HS3ST5: variants seen among roughly 807,000 people sequenced by gnomAD.
The protein encoded by HS3ST5 is heparan sulfate-glucosamine 3-sulfotransferase 5.
Under a neutral mutation model 25.4 loss-of-function variants are expected in HS3ST5, and 10 were observed. That is an observed-to-expected ratio of 0.39 (90% confidence interval 0.24 to 0.67). HS3ST5 has a LOEUF of 0.67. Among genes scored for constraint, HS3ST5 ranks in the 30% least tolerant of loss-of-function variants. The pLI is 0.44. For missense variants in HS3ST5, 324 were observed against 420.7 expected (o/e 0.77, Z 2.01); for synonymous variants, 170 against 162.4 (o/e 1.05, Z -0.36).
intron 3 of HS3ST5, among the ~76,000 whole-genome samples, chr6:114,120,250 G>C (rs1477507515): frequency 6.6e-6 from 1 of 152,140 alleles, no homozygotes. Context: ...GTATTCATTA[G>C]TGATTATGAC....
chr6:114,337,195 G>A (rs1776643148), intron 1 of HS3ST5, among the ~76,000 whole-genome samples: 1 of 152,072 alleles, frequency 6.6e-6, no homozygotes, highest in Admixed American at 6.5e-5. Context: ...TGTCTATTCA[G>A]TATTAAATCA....
intron 1 of HS3ST5, among the ~76,000 whole-genome samples, chr6:114,259,892 A>G (rs1335977537): frequency 6.6e-6 from 1 of 152,164 alleles, no homozygotes; most frequent in African/African-American, 2.4e-5. Context: ...AAAAAATTCC[A>G]CTAATAAATT....
rs1421725678 is a variant in HS3ST5 at position 114,228,737 on chromosome 6, T to C, written c.-297A>G. ...TGGCCACCAGAAATGCCGTTGAGAA[T>C]AGAAGACACCAATGCTGAAGACAGT... On this transcript the variant is annotated 5_prime_UTR_variant, in exon 2 of 5. Coordinates refer to ENST00000312719, the MANE Select transcript of HS3ST5 (RefSeq NM_153612.4). 6.6e-6 allele frequency: 1 copy of C among 152,162 alleles called. No homozygotes were observed. Among genetic ancestry groups the C allele is most frequent in the Non-Finnish European group, 1.5e-5 (1 of 68,042 alleles). 9.4% of individuals were successfully genotyped at this position (152,162 alleles called of 1,614,324 possible). A position where few individuals can be genotyped will look rare whatever the true frequency, so the allele number is the denominator to read the frequency against.
chr6:114,084,312 C>T, intron 3 of HS3ST5: 1 of 767,602 alleles, frequency 1.3e-6, no homozygotes, highest in Non-Finnish European at 2.4e-6. Context: ...CACCTTCAGA[C>T]CAGTCTGCAA....
chr6:114,287,311 C>T (rs554433767), intron 1 of HS3ST5, among the ~76,000 whole-genome samples: 3 of 151,942 alleles, frequency 2.0e-5, no homozygotes, highest in East Asian at 1.9e-4. Context: ...GTCTCCATTT[C>T]GCAAATGAGG....
chr6:114,176,321 C>T (rs78144939), intron 2 of HS3ST5, among the ~76,000 whole-genome samples: 13,639 of 152,196 alleles, frequency 0.09, 795 homozygotes, highest in Non-Finnish European at 0.13. Flanking sequence ...CGGTAATTTC[C>T]AATGTCTATC....
intron 2 of HS3ST5, among the ~76,000 whole-genome samples, chr6:114,205,519 T>C (rs143063216): frequency 1.9e-3 from 292 of 152,246 alleles, no homozygotes; most frequent in Non-Finnish European, 3.2e-3. Context: ...GTCTCAAAGT[T>C]TTTAATTGAA....
At chr6:114,125,843 G>A (rs1777012648) in intron 3 of HS3ST5, among the ~76,000 whole-genome samples, 1 of 152,266 alleles carries the variant, frequency 6.6e-6, no homozygotes, top group Non-Finnish European at 1.5e-5. Flanking sequence ...GTTTGACTCT[G>A]CTCTAAAATG....
At chr6:114,251,230 G>A (rs1043059440) in intron 1 of HS3ST5, among the ~76,000 whole-genome samples, 1 of 152,192 alleles carries the variant, frequency 6.6e-6, no homozygotes, top group Non-Finnish European at 1.5e-5. Context: ...TACTTCAGCA[G>A]TGAGGCACTT....
chr6:114,079,434 A>G (rs1211626321), intron 3 of HS3ST5, among the ~76,000 whole-genome samples: 2 of 152,086 alleles, frequency 1.3e-5, no homozygotes, highest in East Asian at 3.8e-4. Context: ...TTGCTCAGCC[A>G]TAAGAAGCAA....
intron 3 of HS3ST5, among the ~76,000 whole-genome samples, chr6:114,141,038 A>C (rs1387823366): frequency 6.6e-6 from 1 of 152,238 alleles, no homozygotes; most frequent in Non-Finnish European, 1.5e-5. Flanking sequence ...AGAGGGAAAT[A>C]AAATGGCATT....
In HS3ST5 at chr6:114,282,610, C is replaced by T. The variant is rs1248233925; in HGVS notation, c.-338-53832G>A. ...GGTTTGAAAGTTTGAATTATTCAAGCCCATGTTAATACACTGTATTGAATG... is the reference window on the plus strand; with the variant it reads ...GGTTTGAAAGTTTGAATTATTCAAGTCCATGTTAATACACTGTATTGAATG... On this transcript the variant is annotated intron_variant, in intron 1 of 4. Coordinates refer to ENST00000312719, the MANE Select transcript of HS3ST5 (RefSeq NM_153612.4). Among the ~76,000 whole-genome samples, 3 of 152,078 alleles carry T rather than the reference C, an allele frequency of 2.0e-5. No individual in the cohort carries two copies. The East Asian group carries it at 5.8e-4, about 30-fold the overall frequency.
chr6:114,117,541 A>C (rs1776590221), intron 3 of HS3ST5, among the ~76,000 whole-genome samples: 4 of 152,176 alleles, frequency 2.6e-5, no homozygotes, highest in Admixed American at 2.6e-4. Flanking sequence ...ACTTCAAAAG[A>C]GTTAAATGCT....
intron 2 of HS3ST5, among the ~76,000 whole-genome samples, chr6:114,209,680 T>C (rs1431138992): frequency 2.0e-5 from 3 of 152,164 alleles, no homozygotes; most frequent in Non-Finnish European, 4.4e-5. Flanking sequence ...TTAATTTAAG[T>C]TGGTTAGAAA....
intron 3 of HS3ST5, among the ~76,000 whole-genome samples, chr6:114,111,615 G>C (rs189292169): frequency 1.3e-3 from 204 of 152,202 alleles, no homozygotes; most frequent in African/African-American, 4.3e-3. Context: ...TCTCCATAGA[G>C]GTCTAGGGGC....
chr6:114,212,537 A>C (rs1036376653), intron 2 of HS3ST5, among the ~76,000 whole-genome samples: 1 of 152,172 alleles, frequency 6.6e-6, no homozygotes, highest in Non-Finnish European at 1.5e-5. Context: ...CATTAATTAG[A>C]CCATAAATGC....
intron 2 of HS3ST5, among the ~76,000 whole-genome samples, chr6:114,191,478 GGC>G (rs1780499275): frequency 1.3e-5 from 2 of 152,088 alleles, no homozygotes; most frequent in Non-Finnish European, 2.9e-5. Context: ...GTCACGTTAG[GGC>G]CAGGGAAAGA....
chr6:114,102,517 T>C (rs903827826), intron 3 of HS3ST5, among the ~76,000 whole-genome samples: 2 of 152,158 alleles, frequency 1.3e-5, no homozygotes, highest in African/African-American at 4.8e-5. Context: ...AATTGTGCCA[T>C]GATTGAGGAG....
At chr6:114,098,710 A>C (rs2114814768) in intron 3 of HS3ST5, among the ~76,000 whole-genome samples, 1 of 152,052 alleles carries the variant, frequency 6.6e-6, no homozygotes, top group East Asian at 1.9e-4. Flanking sequence ...ATTCTGGATA[A>C]TATCTTCTGA....
Sources: allele counts gnomAD v4.1 joint callset (sites outside exome capture counted in the v4.1 genomes callset), GRCh38; gene constraint gnomAD v4.1.1; transcripts MANE v1.5; gene names NCBI Gene and HGNC (gene_info 2026-07-23, HGNC 2026-07-21).